The following MECOM variants were observed in gnomAD, a reference collection of about 807,000 sequenced individuals.
MECOM encodes the protein histone-lysine N-methyltransferase MECOM.
MECOM carries 13 observed loss-of-function variants against 116.3 expected under a neutral mutation model. The ratio of observed to expected loss-of-function variants is 0.11; its 90% confidence interval spans 0.07 to 0.18. The LOEUF is 0.18. Ranked by LOEUF, MECOM falls within the 10% of genes least tolerant of loss-of-function variation. MECOM has a pLI of 1.00. For missense variants in MECOM, 1,299 were observed against 1,509.0 expected (o/e 0.86, Z 2.31); for synonymous variants, 528 against 535.2 (o/e 0.99, Z 0.19).
chr3:169,424,315 C>T (rs4311258), intron 1 of MECOM, among the ~76,000 whole-genome samples: 6,732 of 152,142 alleles, frequency 0.044, 453 homozygotes, highest in Admixed American at 0.19. Flanking sequence ...AAATAGCATC[C>T]TTTCGGTGGC....
At chr3:169,150,506 G>C (rs1263705310) in intron 2 of MECOM, among the ~76,000 whole-genome samples, 1 of 152,142 alleles carries the variant, frequency 6.6e-6, no homozygotes, top group African/African-American at 2.4e-5. Flanking sequence ...CTTGAAATGG[G>C]CTATTAAAAA....
chr3:169,464,368 A>G (rs1321573189), intron 1 of MECOM, among the ~76,000 whole-genome samples: 3 of 152,286 alleles, frequency 2.0e-5, no homozygotes, highest in South Asian at 4.1e-4. Flanking sequence ...TCATAACAGC[A>G]AGATTCTTTG....
At chr3:169,488,338 C>T (rs566356682) in intron 1 of MECOM, among the ~76,000 whole-genome samples, 14 of 144,826 alleles carry the variant, frequency 9.7e-5, no homozygotes, top group African/African-American at 3.4e-4. Flanking sequence ...ACCATCCTGG[C>T]CAACATGGTA....
chr3:169,447,202 G>A (rs536943913), intron 1 of MECOM, among the ~76,000 whole-genome samples: 10 of 152,084 alleles, frequency 6.6e-5, no homozygotes, highest in Non-Finnish European at 1.5e-4. Flanking sequence ...TCCCAAGGGT[G>A]GAAGAATTAA....
At chr3:169,539,129 G>C (rs557135886) in intron 1 of MECOM, among the ~76,000 whole-genome samples, 1 of 151,858 alleles carries the variant, frequency 6.6e-6, no homozygotes, top group East Asian at 1.9e-4. Flanking sequence ...AGAATAGCTC[G>C]TTGTTCTTTA....
chr3:169,100,250 C>T (rs1560141437), intron 12 of MECOM, among the ~76,000 whole-genome samples: 1 of 151,868 alleles, frequency 6.6e-6, no homozygotes, highest in Non-Finnish European at 1.5e-5. Flanking sequence ...AGGTGTGAGC[C>T]ACCACACCTG....
chr3:169,363,286 C>T (rs146425420), intron 2 of MECOM, among the ~76,000 whole-genome samples: 171 of 152,034 alleles, frequency 1.1e-3, no homozygotes, highest in African/African-American at 4.0e-3. Context: ...AGGGAATAGG[C>T]TTGTTGAATT....
At chr3:169,392,309 C>A (rs1213271805) in intron 1 of MECOM, among the ~76,000 whole-genome samples, 1 of 152,134 alleles carries the variant, frequency 6.6e-6, no homozygotes, top group Non-Finnish European at 1.5e-5. Flanking sequence ...AACAGATGTC[C>A]CAGACTTCAC....
At chr3:169,309,696 T>C (rs1263639341) in intron 2 of MECOM, among the ~76,000 whole-genome samples, 2 of 152,166 alleles carry the variant, frequency 1.3e-5, no homozygotes, top group African/African-American at 2.4e-5. Flanking sequence ...ATATCACAGT[T>C]TGGGGTAATT....
intron 1 of MECOM, among the ~76,000 whole-genome samples, chr3:169,524,900 C>T (rs1004829172): frequency 3.3e-5 from 5 of 152,008 alleles, no homozygotes; most frequent in African/African-American, 4.8e-5. Flanking sequence ...GTCTTATTTT[C>T]CATCTCCAAG....
chr3:169,448,044 G>A (rs984175632), intron 1 of MECOM: 6 of 152,238 alleles, frequency 3.9e-5, no homozygotes, highest in Non-Finnish European at 5.9e-5. Context: ...ACTGGAAACT[G>A]CTATGGATGA....
intron 1 of MECOM, among the ~76,000 whole-genome samples, chr3:169,519,775 C>T (rs1210138583): frequency 6.6e-6 from 1 of 152,236 alleles, no homozygotes; most frequent in Non-Finnish European, 1.5e-5. Context: ...AAAACAAATG[C>T]TCTTGATTTT....
At chr3:169,236,663 G>T (rs1754108207) in intron 2 of MECOM, among the ~76,000 whole-genome samples, 1 of 152,200 alleles carries the variant, frequency 6.6e-6, no homozygotes, top group South Asian at 2.1e-4. Context: ...TCAAAAAAGG[G>T]TCACCCTGAT....
At chr3:169,207,906 G>A (rs956456408) in intron 2 of MECOM, among the ~76,000 whole-genome samples, 4 of 152,104 alleles carry the variant, frequency 2.6e-5, no homozygotes, top group Non-Finnish European at 5.9e-5. Flanking sequence ...CCACGCTGAC[G>A]ATGTGAATGA....
chr3:169,472,659 A>AG lies in MECOM; in HGVS notation c.38-91136_38-91135insC, dbSNP rs1560319080. ...AAAGGAAAGGAAAGGAAAAGAAAAG[A>AG]AAGGAAAGGAAAGGAGAGGAGAGGA... On this transcript the variant is annotated intron_variant, in intron 1 of 16. Transcript: ENST00000651503. Among the ~76,000 whole-genome samples, 1,234 of 125,026 alleles carry AG rather than the reference A, an allele frequency of 9.9e-3. 288 individuals carry two copies. The highest frequency in any genetic ancestry group is 0.035 in the African/African-American group (951 of 27,050). The allele number at this position is 125,026 out of a possible 152,430, so 82.0% of individuals were successfully genotyped here. A position where few individuals can be genotyped will look rare whatever the true frequency, so the allele number is the denominator to read the frequency against.
At position 169,488,500 on chromosome 3, in the gene MECOM, T is replaced by G. The variant is rs537506503; in HGVS notation, c.38-106976A>C. On this transcript the variant is annotated intron_variant, in intron 1 of 16. Coordinates refer to ENST00000651503, the MANE Select transcript of MECOM (RefSeq NM_004991.4). ...AGCAAAGGTTGCTGTGAACCGAGAT[T>G]GCACCACTGCACTGCAGCCTGGGCG... Among the ~76,000 whole-genome samples, 12 of 152,068 alleles carry G rather than the reference T, an allele frequency of 7.9e-5. No individual in the cohort carries two copies. The East Asian group carries it at 2.3e-3, about 29-fold the overall frequency.
intron 1 of MECOM, among the ~76,000 whole-genome samples, chr3:169,580,701 A>G (rs1765027972): frequency 6.6e-6 from 1 of 152,214 alleles, no homozygotes; most frequent in Non-Finnish European, 1.5e-5. Context: ...GCAGAGAGAA[A>G]AGTCATAGAC....
intron 2 of MECOM, among the ~76,000 whole-genome samples, chr3:169,299,478 T>C (rs755987973): frequency 8.5e-5 from 13 of 152,210 alleles, no homozygotes; most frequent in Non-Finnish European, 1.6e-4. Flanking sequence ...GGTCACCCGA[T>C]TTGGGTTTGA....
At chr3:169,449,166 CT>C (rs1745135282) in intron 1 of MECOM, among the ~76,000 whole-genome samples, 3 of 152,154 alleles carry the variant, frequency 2.0e-5, no homozygotes, top group Admixed American at 6.6e-5. Flanking sequence ...ACTGTGCTCA[CT>C]TGCAGTCATG....
Sources: gnomAD v4.1 joint callset for allele counts (sites outside exome capture counted in the v4.1 genomes callset) on GRCh38, gnomAD v4.1.1 for gene constraint, MANE v1.5 for transcripts, NCBI Gene and HGNC (gene_info 2026-07-23, HGNC 2026-07-21) for gene names.